Variants in CRABP2 observed in about 807,000 individuals in gnomAD.
CRABP2 encodes the protein cellular retinoic acid-binding protein 2.
CRABP2 carries 20 observed loss-of-function variants against 17.9 expected under a neutral mutation model. The ratio of observed to expected loss-of-function variants is 1.12; its 90% CI spans 0.79 to 1.63. The LOEUF (loss-of-function observed/expected upper bound fraction) is 1.63. Ranked by LOEUF, CRABP2 falls within the 40% of genes most tolerant of loss-of-function variation. The pLI is 0.00. For missense variants in CRABP2, 151 were observed against 168.6 expected (o/e 0.90, Z 0.58); for synonymous variants, 76 against 66.4 (o/e 1.14, Z -0.70).
chr1:156,702,388 C>T (rs1179679946), intron 1 of CRABP2, among the ~76,000 whole-genome samples: 2 of 151,886 alleles, frequency 1.3e-5, no homozygotes, highest in Non-Finnish European at 2.9e-5. Flanking sequence ...ATCCGGGAGG[C>T]GGAGGTTGCA....
At position 156,700,899 on chromosome 1, in the gene CRABP2, T is replaced by A. The variant is rs765050653; in HGVS notation, c.224A>T (p.Gln75Leu). The A allele has an allele frequency of 6.2e-7, 1 of 1,614,052 alleles. No homozygotes were observed. ...NFKVGEEFEEQTVDGRPCKSL... is the reference protein window; with the variant it reads ...NFKVGEEFEELTVDGRPCKSL... ...CTTACAGGGCCTCCCATCCACAGTCTGCTCCTCAAACTCCTCCCCAACCTT... is the reference window on the plus strand; with the variant it reads ...CTTACAGGGCCTCCCATCCACAGTCAGCTCCTCAAACTCCTCCCCAACCTT... Residue 75 changes from glutamine to leucine, a missense_variant, in exon 2 of 4, where the codon CAG becomes CTG. Transcript: ENST00000368222.
upstream of CRABP2, chr1:156,705,670 C>A (rs535349449): frequency 9.3e-5 from 45 of 482,984 alleles, no homozygotes; most frequent in South Asian, 1.1e-4. The surrounding 1 kb of genome is among the most constrained non-coding windows in gnomAD (Gnocchi z 5.2). Context: ...CCCGCTCCGC[C>A]CCCCCCCACC....
At chr1:156,701,831 TAAC>T (rs1648043282) in intron 1 of CRABP2, among the ~76,000 whole-genome samples, 1 of 152,096 alleles carries the variant, frequency 6.6e-6, no homozygotes, top group Admixed American at 6.5e-5. Context: ...AAAATGGAAA[TAAC>T]AGCTTCTTCA....
chr1:156,703,153 C>G (rs1014819044), intron 1 of CRABP2, among the ~76,000 whole-genome samples: 4 of 152,244 alleles, frequency 2.6e-5, no homozygotes, highest in Middle Eastern at 3.4e-3. Flanking sequence ...CAAGGGAACC[C>G]CCTCTGCTGT....
At chr1:156,700,415 C>G in intron 3 of CRABP2, 127 bp downstream of exon 3, 1 of 757,000 alleles carries the variant, frequency 1.3e-6, no homozygotes, top group South Asian at 1.6e-5. Context: ...TCTGTTCAAG[C>G]AGTCCCATCA....
intron 2 of CRABP2, 67 bp from the exon 3 acceptor site, chr1:156,700,725 G>A (rs138645900): frequency 6.5e-7 from 1 of 1,530,634 alleles, no homozygotes; most frequent in Non-Finnish European, 9.0e-7. Flanking sequence ...AGGGATAAGG[G>A]AGAGAGCCCC....
At chr1:156,702,772 C>CAAAAAAAAAAAAAAAAAAAA (rs56302238) in intron 1 of CRABP2, among the ~76,000 whole-genome samples, 1 of 79,846 alleles carries the variant, frequency 1.3e-5, no homozygotes, top group Non-Finnish European at 2.6e-5. Context: ...AACTCTGTCT[C>CAAAAAAAAAAAAAAAAAAAA]AAAAAAAAAA....
intron 2 of CRABP2, 40 bp from the exon 3 acceptor site, chr1:156,700,698 A>T (rs756854439): frequency 3.8e-6 from 6 of 1,580,724 alleles, no homozygotes; most frequent in Non-Finnish European, 5.2e-6. Flanking sequence ...GGCCCATAGC[A>T]GGGGCAATGC....
chr1:156,700,416 A>T (rs1215701497), intron 3 of CRABP2, 126 bp downstream of exon 3: 3 of 759,680 alleles, frequency 3.9e-6, no homozygotes. Context: ...CTGTTCAAGC[A>T]GTCCCATCAG....
chr1:156,702,835 TGC>T (rs1475925470), intron 1 of CRABP2, among the ~76,000 whole-genome samples: 1 of 149,376 alleles, frequency 6.7e-6, no homozygotes, highest in Non-Finnish European at 1.5e-5. Flanking sequence ...GCACACACAG[TGC>T]CAGGCATATG....
At position 156,699,975 on chromosome 1, in the gene CRABP2, C is replaced by T. The variant is rs1158258773; in HGVS notation, c.*51G>A. The T allele has an allele frequency of 1.9e-5, 30 of 1,583,042 alleles. No homozygotes were observed. In the Admixed American group the frequency reaches 1.9e-4, roughly 10 times the overall value. On this transcript the variant is annotated 3_prime_UTR_variant, in exon 4 of 4. Transcript: ENST00000368222. ...GGACGGAGGGGGCAGTGAAGCAGGG[C>T]GGTGAGCATGGCCAGTGGTGGGCTT...
intron 1 of CRABP2, among the ~76,000 whole-genome samples, chr1:156,703,251 C>A (rs750794510): frequency 6.6e-6 from 1 of 152,144 alleles, no homozygotes; most frequent in Non-Finnish European, 1.5e-5. Context: ...CTCACAGGGT[C>A]CGGCTATCTC....
At chr1:156,703,541 C>T (rs1018281866) in intron 1 of CRABP2, among the ~76,000 whole-genome samples, 3 of 152,130 alleles carry the variant, frequency 2.0e-5, no homozygotes, top group Non-Finnish European at 4.4e-5. Flanking sequence ...GCAGGATTTC[C>T]CTGCCCCTGA....
At chr1:156,700,398 C>A (rs1019566057) in intron 3 of CRABP2, 144 bp downstream of exon 3, 3 of 725,258 alleles carry the variant, frequency 4.1e-6, no homozygotes, top group Non-Finnish European at 7.5e-6. Context: ...GATAGGGACA[C>A]CTTAGTTCTG....
chr1:156,703,122 A>G (rs1343289095), intron 1 of CRABP2, among the ~76,000 whole-genome samples: 1 of 150,956 alleles, frequency 6.6e-6, no homozygotes, highest in African/African-American at 2.4e-5. Flanking sequence ...CTTCTGGAAG[A>G]CTCCCATACC....
At chr1:156,700,739 C>T in intron 2 of CRABP2, 81 bp from the exon 3 acceptor site, 1 of 1,510,746 alleles carries the variant, frequency 6.6e-7, no homozygotes, top group South Asian at 1.1e-5. Context: ...GAGCCCCTTT[C>T]TAGCCCCCAC....
intron 2 of CRABP2, 33 bp from the exon 3 acceptor site, chr1:156,700,691 C>G (rs1211976567): frequency 6.3e-7 from 1 of 1,594,266 alleles, no homozygotes; most frequent in East Asian, 2.2e-5. Flanking sequence ...TGAGCTGGGC[C>G]CATAGCAGGG....
At chr1:156,700,142 G>T in intron 3 of CRABP2, 66 bp from the exon 4 acceptor site, 1 of 1,529,108 alleles carries the variant, frequency 6.5e-7, no homozygotes, top group Non-Finnish European at 9.0e-7. Flanking sequence ...GGAGAGGAGG[G>T]TTGAATGGAG....
rs1647973345 is a variant in CRABP2 at position 156,699,859 on chromosome 1, G to A, written c.*167C>T. Reference sequence around the variant, plus strand: ...TGTTGGTGTAGGGGAGGAGAGAAGAGGTCAAAGAAAGCAAGACCCTGCAAG... The same window carrying A: ...TGTTGGTGTAGGGGAGGAGAGAAGAAGTCAAAGAAAGCAAGACCCTGCAAG... On this transcript the variant is annotated 3_prime_UTR_variant, in exon 4 of 4. Transcript: ENST00000368222. 4.7e-6 allele frequency: 3 copies of A among 643,876 alleles called. No individual in the cohort carries two copies. Among genetic ancestry groups the A allele is most frequent in the Middle Eastern group, 4.2e-4 (1 of 2,376 alleles). 39.9% of individuals were successfully genotyped at this position (643,876 alleles called of 1,614,324 possible). A position where few individuals can be genotyped will look rare whatever the true frequency, so the allele number is the denominator to read the frequency against.
Sources: allele counts gnomAD v4.1 joint callset (sites outside exome capture counted in the v4.1 genomes callset), GRCh38; gene constraint gnomAD v4.1.1; non-coding constraint Gnocchi (gnomAD v3.1); transcripts MANE v1.5; gene names NCBI Gene and HGNC (gene_info 2026-07-23, HGNC 2026-07-21).